The following CIMIP5 variants were observed in gnomAD, a reference collection of about 807,000 sequenced individuals.
The protein encoded by CIMIP5 is uncharacterized protein C2orf50.
the CIMIP5 span, among the ~76,000 whole-genome samples, chr2:11,148,670 TAAC>T: frequency 6.8e-6 from 1 of 147,704 alleles, no homozygotes; most frequent in Non-Finnish European, 1.5e-5. Flanking sequence ...ATAATAACAA[TAAC>T]AAATAATCCA....
At chr2:11,140,193 G>A in the CIMIP5 span, among the ~76,000 whole-genome samples, 1 of 151,454 alleles carries the variant, frequency 6.6e-6, no homozygotes, top group African/African-American at 2.4e-5. Context: ...CGAGACCACG[G>A]TGAAACCCCA....
chr2:11,152,189 C>T, the CIMIP5 span, among the ~76,000 whole-genome samples: 1 of 152,226 alleles, frequency 6.6e-6, no homozygotes, highest in Non-Finnish European at 1.5e-5. Flanking sequence ...ATGTGATCCC[C>T]AGGAACAATT....
chr2:11,145,978 C>T, the CIMIP5 span: 2 of 152,364 alleles, frequency 1.3e-5, no homozygotes, highest in East Asian at 3.9e-4. Flanking sequence ...TCATTTAATA[C>T]AGGCAAAACC....
At chr2:11,146,257 G>A in the CIMIP5 span, among the ~76,000 whole-genome samples, 1 of 152,206 alleles carries the variant, frequency 6.6e-6, no homozygotes, top group Non-Finnish European at 1.5e-5. Context: ...GGCAACTAAA[G>A]CGCAGAGAGG....
chr2:11,139,207 C>T, the CIMIP5 span, among the ~76,000 whole-genome samples: 12 of 152,080 alleles, frequency 7.9e-5, no homozygotes, highest in Admixed American at 2.6e-4. Context: ...CGTGAGCCAC[C>T]GCACCTGTCC....
At chr2:11,135,387 A>G in the CIMIP5 span, among the ~76,000 whole-genome samples, 2 of 152,156 alleles carry the variant, frequency 1.3e-5, no homozygotes, top group African/African-American at 4.8e-5. Flanking sequence ...GTTTTTTGAT[A>G]ACAGCCATCC....
At chr2:11,140,605 T>C in the CIMIP5 span, 1 of 1,354,030 alleles carries the variant, frequency 7.4e-7, no homozygotes, top group Non-Finnish European at 1.0e-6. Flanking sequence ...TACTCATTCT[T>C]TCCATCATTC....
the CIMIP5 span, among the ~76,000 whole-genome samples, chr2:11,140,348 C>T: frequency 3.4e-5 from 5 of 147,808 alleles, no homozygotes; most frequent in Non-Finnish European, 7.4e-5. Context: ...GCACTCCAGC[C>T]TGGGTGACAG....
chr2:11,140,507 C>T, the CIMIP5 span: 1 of 1,560,072 alleles, frequency 6.4e-7, no homozygotes, highest in Non-Finnish European at 8.8e-7. Context: ...TTTTCCTTTC[C>T]AGGATTCAGA....
the CIMIP5 span, among the ~76,000 whole-genome samples, chr2:11,150,021 C>G: frequency 6.6e-6 from 1 of 152,232 alleles, no homozygotes; most frequent in African/African-American, 2.4e-5. Context: ...TCTTGGCTCA[C>G]TGCAAACCTC....
chr2:11,137,512 C>T, the CIMIP5 span, among the ~76,000 whole-genome samples: 10 of 152,044 alleles, frequency 6.6e-5, no homozygotes, highest in South Asian at 4.1e-4. Context: ...ACACAAATGA[C>T]GAATTAAAAA....
At chr2:11,134,379 A>G in the CIMIP5 span, among the ~76,000 whole-genome samples, 1 of 152,230 alleles carries the variant, frequency 6.6e-6, no homozygotes, top group Non-Finnish European at 1.5e-5. Flanking sequence ...AAGCGGGAAC[A>G]TGGCATGATC....
the CIMIP5 span, among the ~76,000 whole-genome samples, chr2:11,142,127 G>A: frequency 6.6e-6 from 1 of 152,082 alleles, no homozygotes; most frequent in Admixed American, 6.6e-5. Flanking sequence ...TTAGCCGGGT[G>A]TGCTGGTGCA....
the CIMIP5 span, among the ~76,000 whole-genome samples, chr2:11,139,040 C>T: frequency 6.6e-6 from 1 of 152,146 alleles, no homozygotes; most frequent in East Asian, 1.9e-4. Context: ...GCCTCAGCCT[C>T]CCTAGTAGCT....
chr2:11,134,930 G>A, the CIMIP5 span, among the ~76,000 whole-genome samples: 1 of 152,182 alleles, frequency 6.6e-6, no homozygotes, highest in African/African-American at 2.4e-5. Context: ...TTGGCTTCTG[G>A]TAAGGGCCTC....
chr2:11,153,268 G>T, the CIMIP5 span, among the ~76,000 whole-genome samples: 1 of 152,104 alleles, frequency 6.6e-6, no homozygotes, highest in Non-Finnish European at 1.5e-5. Context: ...CAGTGTCCTG[G>T]GCCAGGAGCA....
chr2:11,133,310 G>GCACACACACACACACACACACA, the CIMIP5 span: 2 of 1,188,298 alleles, frequency 1.7e-6, no homozygotes, highest in African/African-American at 3.1e-5. Context: ...TGACACAAGC[G>GCACACACACACACACACACACA]CACACACACA....
At chr2:11,150,461 T>A in the CIMIP5 span, among the ~76,000 whole-genome samples, 1 of 151,734 alleles carries the variant, frequency 6.6e-6, no homozygotes, top group Non-Finnish European at 1.5e-5. Context: ...GCCTCCCGAG[T>A]AGCTGGGATG....
chr2:11,138,346 G>T, the CIMIP5 span, among the ~76,000 whole-genome samples: 3 of 152,148 alleles, frequency 2.0e-5, no homozygotes, highest in African/African-American at 7.2e-5. Context: ...GGGGTATATT[G>T]CACTCCTTAG....
Sources: allele counts gnomAD v4.1 joint callset (sites outside exome capture counted in the v4.1 genomes callset), GRCh38; gene constraint gnomAD v4.1.1; transcripts MANE v1.5; gene names NCBI Gene and HGNC (gene_info 2026-07-23, HGNC 2026-07-21).